Variants in MTDH observed in about 807,000 individuals in gnomAD.
MTDH encodes the protein metadherin.
In MTDH, 34 loss-of-function variants were observed where a neutral mutation model predicts 72.7. The ratio of observed to expected loss-of-function variants is 0.47; its 90% CI spans 0.36 to 0.62. MTDH has a LOEUF of 0.62. Ranked by LOEUF, MTDH falls within the 20% of genes least tolerant of loss-of-function variation. The pLI, the probability that MTDH is intolerant of heterozygous loss-of-function variation, is 0.00. For synonymous variants in MTDH, 266 were observed against 268.9 expected (o/e 0.99, Z 0.10); for missense variants, 677 against 699.4 (o/e 0.97, Z 0.36).
At chr8:97,680,020 A>G (rs542158376) in intron 2 of MTDH, among the ~76,000 whole-genome samples, 2 of 152,296 alleles carry the variant, frequency 1.3e-5, no homozygotes, top group South Asian at 4.1e-4. Flanking sequence ...AGTTTTAGAA[A>G]GTTGTAATGG....
At position 97,657,728 on chromosome 8, in the gene MTDH, G is replaced by A. The variant is rs528058280; in HGVS notation, c.382-3344G>A. ...TGTCTATGTTACTTGGGCTGGTCTC[G>A]AACTTCTGAGCTCTTGCTGATCCTC... On this transcript the variant is annotated intron_variant, in intron 1 of 11. Coordinates refer to ENST00000336273, the MANE Select transcript of MTDH (RefSeq NM_178812.4). Among the ~76,000 whole-genome samples, 5 of 152,054 alleles carry A rather than the reference G, an allele frequency of 3.3e-5. No homozygotes were observed. In the South Asian group the frequency reaches 8.3e-4, roughly 25 times the overall value.
Position 97,722,870 on chromosome 8 carries a change from C to T in MTDH, c.1522-9C>T, listed in dbSNP as rs1285555891. ...CCAAAAAACCTGAGATGATTTTTTC[C>T]TAAAATAGCCTATCAAGACTCTTCC... On this transcript the variant is annotated splice_polypyrimidine_tract_variant and intron_variant, in intron 10 of 11. Transcript: ENST00000336273. The T allele has an allele frequency of 2.5e-6, 4 of 1,571,520 alleles. No homozygotes were observed. The highest frequency in any genetic ancestry group is 1.4e-5 in the African/African-American group (1 of 72,516).
Position 97,726,500 on chromosome 8 carries a change from A to C in MTDH, c.*1830A>C, listed in dbSNP as rs1180225969. On this transcript the variant is annotated 3_prime_UTR_variant, in exon 12 of 12. Coordinates refer to ENST00000336273, the MANE Select transcript of MTDH (RefSeq NM_178812.4). ...GGGAATCTAATTTTAGAATGTGCCA[A>C]ATGGTCTGTGCTCAACAATATAATT... 2 of 152,214 alleles carry C rather than the reference A, an allele frequency of 1.3e-5. No individual in the cohort carries two copies. Among genetic ancestry groups the C allele is most frequent in the Non-Finnish European group, 2.9e-5 (2 of 68,046 alleles). The allele number at this position is 152,214 out of a possible 1,614,324, so 9.4% of individuals were successfully genotyped here.
At chr8:97,711,127 T>C (rs914964320) in intron 8 of MTDH, among the ~76,000 whole-genome samples, 3 of 152,212 alleles carry the variant, frequency 2.0e-5, no homozygotes, top group Non-Finnish European at 4.4e-5. Flanking sequence ...CTATTTTCAA[T>C]GACATGACCT....
chr8:97,720,736 C>T lies in MTDH; in HGVS notation c.1521+1547C>T, dbSNP rs1011419827. Among the ~76,000 whole-genome samples, 5 of 151,110 alleles carry T rather than the reference C, an allele frequency of 3.3e-5. No homozygotes were observed. In the East Asian group the frequency reaches 9.8e-4, roughly 30 times the overall value. ...ATCCGCAATCTCGGCTCGCTGCAAC[C>T]TCTACCTCCTGGGTTCAGGCGATTT... On this transcript the variant is annotated intron_variant, in intron 10 of 11. Transcript: ENST00000336273.
At chr8:97,679,343 ATAG>A (rs1462328204) in intron 2 of MTDH, among the ~76,000 whole-genome samples, 1 of 152,200 alleles carries the variant, frequency 6.6e-6, no homozygotes, top group Non-Finnish European at 1.5e-5. Context: ...GATGATGATA[ATAG>A]TAATAATAAT....
chr8:97,694,878 G>A (rs1342517800), intron 6 of MTDH, among the ~76,000 whole-genome samples: 4 of 151,576 alleles, frequency 2.6e-5, no homozygotes, highest in African/African-American at 4.8e-5. Flanking sequence ...AGCCAAGGTC[G>A]AGCCACTGCA....
chr8:97,717,699 G>A (rs1814931057), intron 9 of MTDH, among the ~76,000 whole-genome samples: 1 of 149,364 alleles, frequency 6.7e-6, no homozygotes, highest in African/African-American at 2.5e-5. Context: ...TTACTTTACA[G>A]TTGAGGAAAC....
At chr8:97,702,436 G>C in intron 7 of MTDH, among the ~76,000 whole-genome samples, 1 of 152,076 alleles carries the variant, frequency 6.6e-6, no homozygotes, top group South Asian at 2.1e-4. Context: ...CTCCCAAACA[G>C]TACGGCTGAG....
At chr8:97,662,630 A>T (rs912530255) in intron 2 of MTDH, among the ~76,000 whole-genome samples, 7 of 151,886 alleles carry the variant, frequency 4.6e-5, no homozygotes, top group African/African-American at 1.7e-4. Flanking sequence ...TACTAAAAAT[A>T]CAAAAATTAG....
At chr8:97,699,107 G>A (rs1033347200) in intron 6 of MTDH, among the ~76,000 whole-genome samples, 2 of 152,094 alleles carry the variant, frequency 1.3e-5, no homozygotes, top group Non-Finnish European at 2.9e-5. Flanking sequence ...GCAACATGGT[G>A]TAAAACCCCA....
At chr8:97,682,274 A>ATTTTTTTTTTTTTTTTT (rs1813163027) in intron 2 of MTDH, among the ~76,000 whole-genome samples, 1 of 5,216 alleles carries the variant, frequency 1.9e-4, no homozygotes, top group Non-Finnish European at 3.4e-4. Flanking sequence ...ATATATATAT[A>ATTTTTTTTTTTTTTTTT]TATATATTTT....
rs1436072992 is a variant in MTDH at position 97,729,327 on chromosome 8, C to G, written c.*4657C>G. Among the ~76,000 whole-genome samples, 4 of 152,102 alleles carry G rather than the reference C, an allele frequency of 2.6e-5. No homozygotes were observed. The highest frequency in any genetic ancestry group is 1.9e-4 in the East Asian group (1 of 5,190). On this transcript the variant is annotated 3_prime_UTR_variant, in exon 12 of 12. Transcript: ENST00000336273. ...GTAGAGGGCATTACCTCCCCCACCC[C>G]CAAGAACACTTCTTGGAAGTTACAC... is the stretch of plus-strand genomic sequence containing the variant.
At chr8:97,664,593 G>A (rs1812303259) in intron 2 of MTDH, among the ~76,000 whole-genome samples, 1 of 152,018 alleles carries the variant, frequency 6.6e-6, no homozygotes, top group Non-Finnish European at 1.5e-5. Flanking sequence ...TTGAATTTAT[G>A]CTTTTTAATG....
chr8:97,668,686 CTGGGATTACAGG>C (rs1198156127), intron 2 of MTDH, among the ~76,000 whole-genome samples: 1 of 151,856 alleles, frequency 6.6e-6, no homozygotes, highest in Non-Finnish European at 1.5e-5. Context: ...TCCCGAGTAG[CTGGGATTACAGG>C]CGCCCACCAT....
rs1165734743 is a variant in MTDH at position 97,653,341 on chromosome 8, T to C, written c.382-7731T>C. ...CTCTACCTCTCTGGTTTCGATGGCA[T>C]GTTCCAGGATATTAAATTGCATTCA... On this transcript the variant is annotated intron_variant, in intron 1 of 11. Transcript: ENST00000336273. 2.0e-5 allele frequency among the ~76,000 whole-genome samples: 3 copies of C among 152,234 alleles called. No individual in the cohort carries two copies. In the East Asian group the frequency reaches 5.8e-4, roughly 29 times the overall value.
Position 97,719,122 on chromosome 8 carries a change from A to G in MTDH, c.1454A>G (p.Glu485Gly). ...ACCTCTAAAACCCGTCCAAAACAGGAAAAAGCTTTTTCCTTGAAGACCATA... is the reference window on the plus strand; with the variant it reads ...ACCTCTAAAACCCGTCCAAAACAGGGAAAAGCTTTTTCCTTGAAGACCATA... ...VNTSKTRPKQ[E>G]KAFSLKTIST... The change falls in exon 10 of 12, where the codon GAA becomes GGA. Residue 485 changes from glutamate (E) to glycine (G), a missense_variant. This residue lies in a region of MTDH where 201 missense variants were observed against 204.5 expected (regional missense o/e 0.98). Transcript: ENST00000336273. 1 of 1,614,116 alleles carries G rather than the reference A, an allele frequency of 6.2e-7. No individual in the cohort carries two copies. The highest frequency in any genetic ancestry group is 1.1e-5 in the South Asian group (1 of 91,082).
chr8:97,653,857 A>T (rs947241527), intron 1 of MTDH, among the ~76,000 whole-genome samples: 1 of 152,256 alleles, frequency 6.6e-6, no homozygotes, highest in African/African-American at 2.4e-5. Flanking sequence ...GGCATCCGTC[A>T]GAATGTCTTA....
At chr8:97,653,983 C>T (rs1261150525) in intron 1 of MTDH, among the ~76,000 whole-genome samples, 2 of 152,152 alleles carry the variant, frequency 1.3e-5, no homozygotes, top group Non-Finnish European at 2.9e-5. Context: ...TTTAGTTTTT[C>T]AGAAATCATC....
Sources: gnomAD v4.1 joint callset for allele counts (sites outside exome capture counted in the v4.1 genomes callset) on GRCh38, gnomAD v4.1.1 for gene constraint, gnomAD v4.1.1 regional missense constraint, MANE v1.5 for transcripts, NCBI Gene and HGNC (gene_info 2026-07-23, HGNC 2026-07-21) for gene names.